Variants in TSPAN9 observed in about 807,000 individuals in gnomAD.
TSPAN9 encodes the protein tetraspanin-9.
Under a neutral mutation model 31.0 loss-of-function variants are expected in TSPAN9, and 16 were observed. The observed-to-expected ratio is 0.52, with a 90% confidence interval of 0.35 to 0.78. The LOEUF (loss-of-function observed/expected upper bound fraction) is 0.78, where lower values mean the gene tolerates loss of function less well. Among genes scored for constraint, TSPAN9 ranks in the 30% least tolerant of loss-of-function variants. The probability of loss-of-function intolerance (pLI) is 0.01; values close to 1 mark genes in which losing one functional copy is unlikely to be tolerated. For synonymous variants in TSPAN9, 145 were observed against 121.6 expected (o/e 1.19, Z -1.27); for missense variants, 272 against 312.5 (o/e 0.87, Z 0.98).
chr12:3,260,285 G>A (rs1374975645), intron 3 of TSPAN9, among the ~76,000 whole-genome samples: 1 of 152,344 alleles, frequency 6.6e-6, no homozygotes, highest in East Asian at 1.9e-4. Flanking sequence ...TGAGTTACCC[G>A]GACAAAGCTC....
chr12:3,226,714 ATGTATGTGTGTG>A lies in TSPAN9; in HGVS notation c.63+25462_63+25473del, dbSNP rs1565622300. 2.7e-3 allele frequency among the ~76,000 whole-genome samples: 12 copies of A among 4,494 alleles called. 1 individual carries two copies. Among genetic ancestry groups the A allele is most frequent in the Admixed American group, 0.011 (3 of 272 alleles). 2.9% of individuals were successfully genotyped at this position (4,494 alleles called of 152,430 possible). On this transcript the variant is annotated intron_variant, in intron 3 of 8. Transcript: ENST00000011898. ...TGTGTGTGTGTGTGTGTGTATGTGT[ATGTATGTGTGTG>A]TGTGTGTGTGTGTGTGTGTATATAT...
intron 3 of TSPAN9, among the ~76,000 whole-genome samples, chr12:3,239,023 C>T (rs1162199266): frequency 6.6e-6 from 1 of 152,340 alleles, no homozygotes; most frequent in Non-Finnish European, 1.5e-5. Flanking sequence ...CCCAGCATGG[C>T]GTTAGACCTG....
intron 2 of TSPAN9, among the ~76,000 whole-genome samples, chr12:3,152,492 C>T (rs949916362): frequency 6.6e-6 from 1 of 152,222 alleles, no homozygotes; most frequent in Non-Finnish European, 1.5e-5. Context: ...CACAGTGAAA[C>T]ATGTATTGAA....
intron 3 of TSPAN9, among the ~76,000 whole-genome samples, chr12:3,206,746 A>G (rs2098375463): frequency 1.3e-5 from 2 of 152,222 alleles, no homozygotes; most frequent in Non-Finnish European, 1.5e-5. Context: ...TGGAGAAGTC[A>G]GACACATAAG....
At position 3,243,337 on chromosome 12, in the gene TSPAN9, T is replaced by C. The variant is rs569024058; in HGVS notation, c.64-35084T>C. Among the ~76,000 whole-genome samples the C allele has an allele frequency of 1.6e-4, 24 of 152,256 alleles. No homozygotes were observed. In the South Asian group the frequency reaches 3.7e-3, roughly 24 times the overall value. On this transcript the variant is annotated intron_variant, in intron 3 of 8. Coordinates refer to ENST00000011898, the MANE Select transcript of TSPAN9 (RefSeq NM_006675.5). ...GGAGCTGGGTGCTTTACCACCTCAT[T>C]GAATTCCTGCCGCAGCCCCAGGAGG...
chr12:3,133,562 C>T (rs1322573984), intron 2 of TSPAN9, among the ~76,000 whole-genome samples: 1 of 152,154 alleles, frequency 6.6e-6, no homozygotes, highest in African/African-American at 2.4e-5. Flanking sequence ...ATCTTCCCCC[C>T]ACCCTCATCT....
intron 2 of TSPAN9, among the ~76,000 whole-genome samples, chr12:3,123,033 C>G (rs2098325837): frequency 6.6e-6 from 1 of 152,116 alleles, no homozygotes; most frequent in Admixed American, 6.5e-5. Flanking sequence ...GCCTCCCAAA[C>G]AGGGAGGCGG....
Position 3,280,676 on chromosome 12 carries a change from G to C in TSPAN9, c.432+193G>C, listed in dbSNP as rs1346818027. Among the ~76,000 whole-genome samples the C allele has an allele frequency of 6.6e-6, 1 of 152,234 alleles. No individual in the cohort carries two copies. Among genetic ancestry groups the C allele is most frequent in the African/African-American group, 2.4e-5 (1 of 41,462 alleles). On this transcript the variant is annotated intron_variant, in intron 6 of 8. Transcript: ENST00000011898. The surrounding 1 kb of genome is among the most constrained non-coding windows in gnomAD (Gnocchi z 4.5). ...GATACAGCAAGGTACAGCCAGGGAG[G>C]GATGAGGATACAGGAGGGGCAGGCC...
At chr12:3,106,505 C>T (rs1024525066) in intron 2 of TSPAN9, among the ~76,000 whole-genome samples, 2 of 152,164 alleles carry the variant, frequency 1.3e-5, no homozygotes, top group African/African-American at 4.8e-5. Flanking sequence ...CCTGGTGGCT[C>T]ACGCCTGTAA....
intron 2 of TSPAN9, among the ~76,000 whole-genome samples, chr12:3,162,645 C>T (rs994970379): frequency 2.8e-4 from 43 of 152,120 alleles, no homozygotes; most frequent in Non-Finnish European, 5.3e-4. Context: ...TAATTTTCAG[C>T]TTTTTGGCTC....
At chr12:3,252,827 G>A (rs576324292) in intron 3 of TSPAN9, among the ~76,000 whole-genome samples, 1 of 152,324 alleles carries the variant, frequency 6.6e-6, no homozygotes, top group Admixed American at 6.5e-5. Context: ...GGGCTGCTGG[G>A]GGCGTGTCAC....
intron 2 of TSPAN9, among the ~76,000 whole-genome samples, chr12:3,117,430 T>C (rs997799942): frequency 2.0e-5 from 3 of 152,120 alleles, no homozygotes; most frequent in Non-Finnish European, 4.4e-5. Context: ...GTGGTGGGAC[T>C]ATTTGCCCGA....
rs913157229 is a variant in TSPAN9 at position 3,285,275 on chromosome 12, T to C, written c.*2159T>C. On this transcript the variant is annotated 3_prime_UTR_variant, in exon 9 of 9. Transcript: ENST00000011898. ...CGTGCGTTTTTTGCTGTGGGTGGGG[T>C]GGGTGGGTTGGTTTATGCCTATCAA... 1 of 7,602 alleles carries C rather than the reference T, an allele frequency of 1.3e-4. No homozygotes were observed. 0.5% of individuals were successfully genotyped at this position (7,602 alleles called of 1,614,324 possible).
intron 3 of TSPAN9, among the ~76,000 whole-genome samples, chr12:3,238,490 C>G (rs1469738964): frequency 2.6e-5 from 4 of 152,216 alleles, no homozygotes; most frequent in African/African-American, 9.6e-5. Flanking sequence ...AGGTCCGGCT[C>G]CTTCTCCTTT....
At position 3,226,452 on chromosome 12, in the gene TSPAN9, A is replaced by C. The variant is rs73254447; in HGVS notation, c.63+25196A>C. On this transcript the variant is annotated intron_variant, in intron 3 of 8. Transcript: ENST00000011898. The stretch of plus-strand genomic sequence containing the variant: ...TGGCCGTGAGCATTCTTAAGGGGCC[A>C]TGTAATCTTTTTTCCCTCCTTCTGG... 9.7e-3 allele frequency among the ~76,000 whole-genome samples: 1,471 copies of C among 151,706 alleles called. 29 individuals are homozygous for C. The highest frequency in any genetic ancestry group is 0.033 in the African/African-American group (1,346 of 41,308).
chr12:3,218,555 G>C (rs749944529), intron 3 of TSPAN9, among the ~76,000 whole-genome samples: 4 of 152,222 alleles, frequency 2.6e-5, no homozygotes, highest in Non-Finnish European at 5.9e-5. Flanking sequence ...GTAGGAGCGG[G>C]CCTGGCTGCC....
chr12:3,281,871 G>T, intron 8 of TSPAN9, 54 bp downstream of exon 8: 2 of 1,584,110 alleles, frequency 1.3e-6, no homozygotes, highest in Middle Eastern at 1.7e-4. Context: ...CAGCCTCAGA[G>T]GGAAGGAAGC....
intron 3 of TSPAN9, among the ~76,000 whole-genome samples, chr12:3,264,802 C>G (rs983049284): frequency 6.6e-6 from 1 of 152,232 alleles, no homozygotes; most frequent in Non-Finnish European, 1.5e-5. Context: ...CTGACGACGA[C>G]TCTATGTGGT....
At chr12:3,268,993 CGTTCCTGCAGCCTGCCCTCTCTGT>C (rs1862609992) in intron 3 of TSPAN9, among the ~76,000 whole-genome samples, 1 of 37,362 alleles carries the variant, frequency 2.7e-5, no homozygotes, top group Non-Finnish European at 5.2e-5. Flanking sequence ...GCCCTCCGTG[CGTTCCTGCAGCCTGCCCTCTCTGT>C]GTTCCTGCAG....
Sources: gnomAD v4.1 joint callset for allele counts (sites outside exome capture counted in the v4.1 genomes callset) on GRCh38, gnomAD v4.1.1 for gene constraint, Gnocchi (gnomAD v3.1) non-coding constraint, MANE v1.5 for transcripts, NCBI Gene and HGNC (gene_info 2026-07-23, HGNC 2026-07-21) for gene names.